The following XPO4 variants were observed in gnomAD, a reference collection of about 807,000 sequenced individuals.
XPO4 encodes the protein exportin 4, also known as exportin-4.
A neutral mutation model predicts 143.0 loss-of-function variants in XPO4; 39 were observed. The observed-to-expected ratio is 0.27, with a 90% CI of 0.21 to 0.36. XPO4 has a LOEUF of 0.36. Ranked by LOEUF, XPO4 falls within the 10% of genes least tolerant of loss-of-function variation. The pLI is 1.00. For synonymous variants in XPO4, 439 were observed against 474.0 expected (o/e 0.93, Z 0.96); for missense variants, 907 against 1,348.0 (o/e 0.67, Z 5.12).
At chr13:20,836,754 C>T (rs533192473) in intron 6 of XPO4, among the ~76,000 whole-genome samples, 7 of 152,336 alleles carry the variant, frequency 4.6e-5, no homozygotes, top group Admixed American at 3.9e-4. Flanking sequence ...TGTGCAACCA[C>T]GACCATGATC....
chr13:20,820,830 G>A (rs1293082080), intron 9 of XPO4, among the ~76,000 whole-genome samples: 3 of 152,204 alleles, frequency 2.0e-5, no homozygotes, highest in African/African-American at 4.8e-5. Flanking sequence ...TCACATACAC[G>A]TTGGCAGAAT....
At chr13:20,856,491 T>C (rs75094165) in intron 3 of XPO4, 240 of 394,524 alleles carry the variant, frequency 6.1e-4, no homozygotes, top group African/African-American at 5.0e-3. Flanking sequence ...GAAAACATAA[T>C]CCCAAACTTT....
intron 3 of XPO4, among the ~76,000 whole-genome samples, chr13:20,862,186 A>G (rs2060207417): frequency 6.6e-6 from 1 of 152,112 alleles, no homozygotes; most frequent in Non-Finnish European, 1.5e-5. Context: ...CACCTGTGTT[A>G]TATCAATACT....
intron 1 of XPO4, among the ~76,000 whole-genome samples, chr13:20,889,784 CTTTGA>C (rs2060494258): frequency 6.6e-6 from 1 of 152,100 alleles, no homozygotes; most frequent in African/African-American, 2.4e-5. Context: ...CTTTCATCTT[CTTTGA>C]TTTGTGTGTA....
chr13:20,859,968 T>G, intron 3 of XPO4: 2 of 431,318 alleles, frequency 4.6e-6, no homozygotes, highest in Non-Finnish European at 6.2e-6. Context: ...CTATGACAAC[T>G]AAACAGCTCC....
chr13:20,843,172 C>A (rs2059993381), intron 5 of XPO4, 124 bp from the exon 6 acceptor site: 1 of 988,768 alleles, frequency 1.0e-6, no homozygotes, highest in East Asian at 2.6e-5. Flanking sequence ...TCCTTAAGAA[C>A]GTGTTCCATT....
In XPO4 at chr13:20,850,069, G is replaced by A. The variant is rs942494836; in HGVS notation, c.456+5558C>T. On this transcript the variant is annotated intron_variant, in intron 4 of 22. Transcript: ENST00000255305. ...TGTAGTGAGCTGAGTTCATGCCAATGCACTCCAGCCTGGGCGACAGAGCAA... is the reference window on the plus strand; with the variant it reads ...TGTAGTGAGCTGAGTTCATGCCAATACACTCCAGCCTGGGCGACAGAGCAA... 3.1e-6 allele frequency: 3 copies of A among 958,314 alleles called. No individual in the cohort carries two copies. In the East Asian group the frequency reaches 3.4e-4, roughly 110 times the overall value. The allele number at this position is 958,314 out of a possible 1,614,324, so 59.4% of individuals were successfully genotyped here.
chr13:20,856,961 C>A (rs2060150227), intron 3 of XPO4: 2 of 891,304 alleles, frequency 2.2e-6, no homozygotes, highest in African/African-American at 3.6e-5. Context: ...TCTATGCACA[C>A]TAGCATATGC....
intron 1 of XPO4, 155 bp downstream of exon 1, chr13:20,902,515 A>C (rs1270940571): frequency 1.0e-6 from 1 of 985,282 alleles, no homozygotes; most frequent in Non-Finnish European, 1.2e-6. Context: ...AGTAGGCTGA[A>C]GAATCCTGCG....
At position 20,808,588 on chromosome 13, in the gene XPO4, G is replaced by A; in HGVS notation, c.1494-7C>T. 3 of 1,533,716 alleles carry A rather than the reference G, an allele frequency of 2.0e-6. No individual in the cohort carries two copies. The highest frequency in any genetic ancestry group is 8.9e-7 in the Non-Finnish European group (1 of 1,127,182). On this transcript the variant is annotated splice_region_variant and splice_polypyrimidine_tract_variant and intron_variant, in intron 11 of 22. Transcript: ENST00000255305. ...TACTCTTTCTTCTAATAAACTAAAA[G>A]AGAAGAAAACAGTAGCTTCATAAAG...
At chr13:20,886,383 G>A (rs1038192087) in intron 1 of XPO4, among the ~76,000 whole-genome samples, 8 of 151,992 alleles carry the variant, frequency 5.3e-5, no homozygotes, top group African/African-American at 9.7e-5. Context: ...AGGCTGAGGC[G>A]GGTGGATCAC....
intron 4 of XPO4, among the ~76,000 whole-genome samples, 172 bp from the exon 5 acceptor site, chr13:20,844,058 G>A (rs546119018): frequency 3.9e-5 from 6 of 152,140 alleles, no homozygotes; most frequent in African/African-American, 1.4e-4. Context: ...ATAAATATTA[G>A]CTCTCCTTTC....
At chr13:20,896,535 C>T (rs576076239) in intron 1 of XPO4, among the ~76,000 whole-genome samples, 1 of 152,282 alleles carries the variant, frequency 6.6e-6, no homozygotes, top group African/African-American at 2.4e-5. Flanking sequence ...TTAAGCTGAT[C>T]ACTGCTGATA....
intron 13 of XPO4, 84 bp downstream of exon 13, chr13:20,807,373 A>G (rs998174416): frequency 7.4e-7 from 1 of 1,344,402 alleles, no homozygotes; most frequent in African/African-American, 1.5e-5. Context: ...CAACGTGCCT[A>G]TCACTCCAGT....
At chr13:20,877,947 A>G (rs2060368326) in intron 1 of XPO4, among the ~76,000 whole-genome samples, 2 of 152,240 alleles carry the variant, frequency 1.3e-5, no homozygotes, top group Admixed American at 1.3e-4. Flanking sequence ...GGCTCATGCC[A>G]GCACTTTGGG....
chr13:20,804,247 A>C (rs1335042032), intron 13 of XPO4, among the ~76,000 whole-genome samples: 1 of 150,888 alleles, frequency 6.6e-6, no homozygotes, highest in East Asian at 1.9e-4. Context: ...ATATATATAT[A>C]TACACACACA....
Position 20,868,182 on chromosome 13 carries a change from AC to A in XPO4, c.175+413del, listed in dbSNP as rs376122011. 1.4e-3 allele frequency among the ~76,000 whole-genome samples: 214 copies of A among 150,328 alleles called. No homozygotes were observed. The South Asian group carries it at 0.023, about 16-fold the overall frequency. On this transcript the variant is annotated intron_variant, in intron 2 of 22. Coordinates refer to ENST00000255305, the MANE Select transcript of XPO4 (RefSeq NM_022459.5). The stretch of plus-strand genomic sequence containing the variant: ...AACTAAATGGTTAAAAAAAAAAAAA[AC>A]TATGGAAAACAACTAAAAGAAAATG...
At chr13:20,829,329 C>A (rs2059824180) in intron 6 of XPO4, among the ~76,000 whole-genome samples, 1 of 152,068 alleles carries the variant, frequency 6.6e-6, no homozygotes, top group Non-Finnish European at 1.5e-5. Context: ...TCTTTATTTT[C>A]AATATGCCAA....
chr13:20,829,383 T>A (rs2059824935), intron 6 of XPO4, among the ~76,000 whole-genome samples: 1 of 152,238 alleles, frequency 6.6e-6, no homozygotes, highest in African/African-American at 2.4e-5. Context: ...GATTTTGTAA[T>A]ATTTCGTATG....
Sources: gnomAD v4.1 joint callset for allele counts (sites outside exome capture counted in the v4.1 genomes callset) on GRCh38, gnomAD v4.1.1 for gene constraint, MANE v1.5 for transcripts, NCBI Gene and HGNC (gene_info 2026-07-23, HGNC 2026-07-21) for gene names.